Variants in VWC2L observed in about 807,000 individuals in gnomAD.
The protein encoded by VWC2L is von Willebrand factor C domain containing 2 like, also known as von Willebrand factor C domain-containing protein 2-like.
A neutral mutation model predicts 21.6 loss-of-function variants in VWC2L; 10 were observed. That is an observed-to-expected ratio of 0.46 (90% CI 0.29 to 0.78). VWC2L has a LOEUF of 0.78. Ranked by LOEUF, VWC2L falls within the 30% of genes least tolerant of loss-of-function variation. The probability of loss-of-function intolerance (pLI) is 0.10; values close to 1 mark genes in which losing one functional copy is unlikely to be tolerated. For missense variants in VWC2L, 209 were observed against 277.1 expected, an observed-to-expected ratio of 0.75 and a Z score of 1.74; for synonymous variants, 96 against 94.3, an observed-to-expected ratio of 1.02 and a Z score of -0.10.
intron 3 of VWC2L, among the ~76,000 whole-genome samples, chr2:214,547,911 C>A (rs1001640805): frequency 1.4e-4 from 22 of 152,164 alleles, no homozygotes; most frequent in Admixed American, 2.0e-4. Flanking sequence ...CCATAGGCAC[C>A]AAGCAGAGCT....
chr2:214,490,480 G>C (rs576134477), intron 3 of VWC2L, among the ~76,000 whole-genome samples: 50 of 152,238 alleles, frequency 3.3e-4, no homozygotes, highest in Admixed American at 1.3e-3. Flanking sequence ...GATGGGAAGG[G>C]AGAGAATGAT....
chr2:214,527,182 T>C (rs1468541954), intron 3 of VWC2L, among the ~76,000 whole-genome samples: 2 of 151,998 alleles, frequency 1.3e-5, no homozygotes, highest in African/African-American at 4.8e-5. Flanking sequence ...CACTTATAAG[T>C]GGGAGTTAAC....
chr2:214,411,088 A>C lies in VWC2L; in HGVS notation c.-779A>C, dbSNP rs1702261181. The stretch of plus-strand genomic sequence containing the variant: ...TAAAGCAGCTCTGGGATTTCGACAG[A>C]GCTGGGCTCAGAAGCCAGTTGTTGG... On this transcript the variant is annotated 5_prime_UTR_variant, in exon 1 of 4. Transcript: ENST00000312504. 1 of 152,144 alleles carries C rather than the reference A, an allele frequency of 6.6e-6. No homozygotes were observed. Among genetic ancestry groups the C allele is most frequent in the African/African-American group, 2.4e-5 (1 of 41,410 alleles). The allele number at this position is 152,144 out of a possible 1,614,324, so 9.4% of individuals were successfully genotyped here.
At chr2:214,505,521 T>C (rs1688955855) in intron 3 of VWC2L, among the ~76,000 whole-genome samples, 1 of 152,154 alleles carries the variant, frequency 6.6e-6, no homozygotes, top group African/African-American at 2.4e-5. Flanking sequence ...CTCAAAGGTA[T>C]AATCAGGTCC....
Position 214,414,483 on chromosome 2 carries a change from G to A in VWC2L, c.290G>A (p.Cys97Tyr). The stretch of plus-strand genomic sequence containing the variant: ...GAATGCCCTAAAATTCACCCAAAGT[G>A]TACTAAAGTGGAACACAATGGATGC... The part of the protein sequence containing the change: ...QPECPKIHPK[C>Y]TKVEHNGCCP... Residue 97 changes from cysteine (C) to tyrosine (Y), a missense_variant, in exon 2 of 4, where the codon TGT becomes TAT. Physicochemically the swap from Cys to Tyr is radical, Grantham distance 194. Coordinates refer to ENST00000312504, the MANE Select transcript of VWC2L (RefSeq NM_001080500.4). 1 of 1,613,456 alleles carries A rather than the reference G, an allele frequency of 6.2e-7. No homozygotes were observed. Among genetic ancestry groups the A allele is most frequent in the Non-Finnish European group, 8.5e-7 (1 of 1,179,628 alleles).
chr2:214,545,253 C>A (rs1425332064), intron 3 of VWC2L, among the ~76,000 whole-genome samples: 1 of 152,088 alleles, frequency 6.6e-6, no homozygotes, highest in Non-Finnish European at 1.5e-5. Context: ...ACTTTAGGAG[C>A]ACTGACATGT....
intron 3 of VWC2L, among the ~76,000 whole-genome samples, chr2:214,439,372 T>C (rs1267516741): frequency 6.6e-6 from 1 of 152,036 alleles, no homozygotes; most frequent in Admixed American, 6.6e-5. Flanking sequence ...ATAACCATAA[T>C]AAATATGCCC....
chr2:214,551,146 A>T (rs985623829), intron 3 of VWC2L, among the ~76,000 whole-genome samples: 1 of 152,226 alleles, frequency 6.6e-6, no homozygotes, highest in African/African-American at 2.4e-5. Context: ...TAAGGGAAGA[A>T]CTAAGTGCTT....
intron 2 of VWC2L, among the ~76,000 whole-genome samples, chr2:214,420,484 C>A (rs1702422651): frequency 6.6e-6 from 1 of 152,110 alleles, no homozygotes; most frequent in South Asian, 2.1e-4. Flanking sequence ...GCCTACTTAC[C>A]CACCTGCCAT....
At chr2:214,506,559 T>C (rs951222287) in intron 3 of VWC2L, among the ~76,000 whole-genome samples, 2 of 152,154 alleles carry the variant, frequency 1.3e-5, no homozygotes. Context: ...CCTTTAGAAA[T>C]CATCACATGT....
chr2:214,575,842 G>A lies in VWC2L; in HGVS notation c.*22G>A. 6.2e-7 allele frequency: 1 copy of A among 1,600,450 alleles called. No homozygotes were observed. Among genetic ancestry groups the A allele is most frequent in the Non-Finnish European group, 8.5e-7 (1 of 1,169,800 alleles). On this transcript the variant is annotated 3_prime_UTR_variant, in exon 4 of 4. Coordinates refer to ENST00000312504, the MANE Select transcript of VWC2L (RefSeq NM_001080500.4). The stretch of plus-strand genomic sequence containing the variant: ...GTAGGACAAACTTCCACCCAATGAT[G>A]AGTTCTTAGGAAAGGATGCTATGGC...
At position 214,569,703 on chromosome 2, in the gene VWC2L, C is replaced by T. The variant is rs551725187; in HGVS notation, c.521-5969C>T. Among the ~76,000 whole-genome samples, 17 of 152,238 alleles carry T rather than the reference C, an allele frequency of 1.1e-4. No individual in the cohort carries two copies. The South Asian group carries it at 3.3e-3, about 30-fold the overall frequency. ...TTCAACCCCATTAGCCTTCTACAGCCACTCAATGGCTCCTCATCTGCACCC... is the reference window on the plus strand; with the variant it reads ...TTCAACCCCATTAGCCTTCTACAGCTACTCAATGGCTCCTCATCTGCACCC... On this transcript the variant is annotated intron_variant, in intron 3 of 3. Coordinates refer to ENST00000312504, the MANE Select transcript of VWC2L (RefSeq NM_001080500.4).
At chr2:214,487,406 A>G (rs1198684776) in intron 3 of VWC2L, among the ~76,000 whole-genome samples, 1 of 152,196 alleles carries the variant, frequency 6.6e-6, no homozygotes. Flanking sequence ...AGCAAGACAT[A>G]GGTGCTGCTT....
At chr2:214,556,093 A>G (rs1247720402) in intron 3 of VWC2L, among the ~76,000 whole-genome samples, 3 of 152,172 alleles carry the variant, frequency 2.0e-5, no homozygotes, top group Non-Finnish European at 4.4e-5. Flanking sequence ...CTCTACTAAA[A>G]ATAAAAATAA....
chr2:214,562,317 G>A (rs553113064), intron 3 of VWC2L, among the ~76,000 whole-genome samples: 27 of 152,250 alleles, frequency 1.8e-4, no homozygotes, highest in African/African-American at 6.0e-4. Flanking sequence ...TGCAAAAGAC[G>A]TGATGTCATT....
chr2:214,575,930 T>A lies in VWC2L; in HGVS notation c.*110T>A. 7.6e-7 allele frequency: 1 copy of A among 1,315,558 alleles called. No homozygotes were observed. Among genetic ancestry groups the A allele is most frequent in the South Asian group, 1.7e-5 (1 of 59,472 alleles). 81.5% of individuals were successfully genotyped at this position (1,315,558 alleles called of 1,614,324 possible). A position where few individuals can be genotyped will look rare whatever the true frequency, so the allele number is the denominator to read the frequency against. Reference sequence around the variant, plus strand: ...CAAACTCCTGCCAGCTACAACAGGGTCACCAGCAAAACTTTCTAGGGTTGA... The same window carrying A: ...CAAACTCCTGCCAGCTACAACAGGGACACCAGCAAAACTTTCTAGGGTTGA... On this transcript the variant is annotated 3_prime_UTR_variant, in exon 4 of 4. Transcript: ENST00000312504.
intron 3 of VWC2L, among the ~76,000 whole-genome samples, chr2:214,555,815 G>A (rs1416199864): frequency 6.6e-6 from 1 of 152,114 alleles, no homozygotes; most frequent in Non-Finnish European, 1.5e-5. Context: ...GTATGAAGCT[G>A]TTTTCCTATT....
intron 3 of VWC2L, among the ~76,000 whole-genome samples, chr2:214,574,531 G>T (rs766910360): frequency 6.6e-6 from 1 of 152,156 alleles, no homozygotes; most frequent in Admixed American, 6.6e-5. Context: ...TATCAAGGGG[G>T]TAAGAAAGTG....
chr2:214,519,481 C>G (rs988074270), intron 3 of VWC2L, among the ~76,000 whole-genome samples: 1 of 152,174 alleles, frequency 6.6e-6, no homozygotes, highest in African/African-American at 2.4e-5. Context: ...CTGTTCTTTG[C>G]CCACATTGGA....
Sources: allele counts gnomAD v4.1 joint callset (sites outside exome capture counted in the v4.1 genomes callset), GRCh38; gene constraint gnomAD v4.1.1; transcripts MANE v1.5; gene names NCBI Gene and HGNC (gene_info 2026-07-23, HGNC 2026-07-21).